Variants in UBE2J1 observed in about 807,000 individuals in gnomAD.
UBE2J1 encodes the protein ubiquitin-conjugating enzyme E2 J1.
Under a neutral mutation model 42.1 loss-of-function variants are expected in UBE2J1, and 17 were observed. The ratio of observed to expected loss-of-function variants is 0.40; its 90% CI spans 0.28 to 0.61. UBE2J1 has a LOEUF of 0.61. Among genes scored for constraint, UBE2J1 ranks in the 20% least tolerant of loss-of-function variants. The pLI is 0.38. For synonymous variants in UBE2J1, 127 were observed against 137.2 expected, an observed-to-expected ratio of 0.93 and a Z score of 0.52; for missense variants, 291 against 389.4, an observed-to-expected ratio of 0.75 and a Z score of 2.13.
In UBE2J1 at chr6:89,333,123, A is replaced by G. The variant is rs752291099; in HGVS notation, c.641T>C (p.Ile214Thr). 5 of 1,613,002 alleles carry G rather than the reference A, an allele frequency of 3.1e-6. No individual in the cohort carries two copies. The highest frequency in any genetic ancestry group is 2.2e-5 in the East Asian group (1 of 44,856). Residue 214 changes from isoleucine to threonine, a missense_variant, in exon 7 of 8, where the codon ATA becomes ACA. Physicochemically the swap from Ile to Thr is moderately conservative, Grantham distance 89. Around this residue, in one of 2 missense-constraint regions of UBE2J1, gnomAD observed 176 missense variants for 196.3 expected, o/e 0.90. Transcript: ENST00000435041. Reference protein sequence around the residue: ...SFSLTDLQDDIPTTFQGATAS... With the variant: ...SFSLTDLQDDTPTTFQGATAS... ...CGTAGCACCCTGGAATGTTGTAGGT[A>G]TATCATCTTGTAAATCAGTTAGTGA...
chr6:89,350,284 TAA>T (rs1768446895), intron 1 of UBE2J1, among the ~76,000 whole-genome samples: 1 of 152,222 alleles, frequency 6.6e-6, no homozygotes, highest in African/African-American at 2.4e-5. Flanking sequence ...CCACATCAGA[TAA>T]AGAGTAAAAG....
At chr6:89,337,154 T>A (rs1768122861) in intron 5 of UBE2J1, among the ~76,000 whole-genome samples, 1 of 151,890 alleles carries the variant, frequency 6.6e-6, no homozygotes, top group Admixed American at 6.6e-5. Context: ...AATCATTTTT[T>A]AAAAGGTTTC....
intron 1 of UBE2J1, among the ~76,000 whole-genome samples, chr6:89,348,394 G>T (rs534191487): frequency 2.6e-5 from 4 of 152,222 alleles, no homozygotes; most frequent in African/African-American, 4.8e-5. Flanking sequence ...AAAATAAAGG[G>T]ATCTTCTACA....
At chr6:89,350,558 C>A (rs563265588) in intron 1 of UBE2J1, among the ~76,000 whole-genome samples, 2 of 151,894 alleles carry the variant, frequency 1.3e-5, no homozygotes, top group East Asian at 3.9e-4. Context: ...AATTCACACA[C>A]TAACAAAAAT....
intron 1 of UBE2J1, among the ~76,000 whole-genome samples, chr6:89,348,770 A>C (rs1768410094): frequency 2.0e-5 from 3 of 152,368 alleles, no homozygotes; most frequent in African/African-American, 7.2e-5. Flanking sequence ...TATAGGAACT[A>C]CTTTAGTCTG....
At chr6:89,346,176 CAAAAA>C (rs200384873) in intron 1 of UBE2J1, among the ~76,000 whole-genome samples, 1 of 151,364 alleles carries the variant, frequency 6.6e-6, no homozygotes, top group Non-Finnish European at 1.5e-5. Context: ...CATGCCTGGC[CAAAAA>C]AAAGTTGTTA....
At chr6:89,335,118 T>C (rs1470379925) in intron 6 of UBE2J1, among the ~76,000 whole-genome samples, 184 bp downstream of exon 6, 1 of 152,198 alleles carries the variant, frequency 6.6e-6, no homozygotes, top group African/African-American at 2.4e-5. Context: ...AAACATTTCA[T>C]GTACCCTATA....
chr6:89,344,932 C>T (rs1039682322), intron 1 of UBE2J1, among the ~76,000 whole-genome samples: 1 of 152,198 alleles, frequency 6.6e-6, no homozygotes, highest in African/African-American at 2.4e-5. Flanking sequence ...TGGATCCCAA[C>T]CCCTCTCATT....
At chr6:89,351,283 T>A (rs1768474827) in intron 1 of UBE2J1, among the ~76,000 whole-genome samples, 2 of 151,898 alleles carry the variant, frequency 1.3e-5, no homozygotes, top group South Asian at 4.2e-4. Context: ...GGTTTCACCA[T>A]GTTGGCCAGG....
intron 1 of UBE2J1, among the ~76,000 whole-genome samples, chr6:89,350,241 C>T (rs1582490992): frequency 6.6e-6 from 1 of 152,252 alleles, no homozygotes. Context: ...ATTGTCTTCA[C>T]TTAATCTTTC....
chr6:89,351,069 CTTTTTTTTTTTT>C (rs1193022037), intron 1 of UBE2J1, among the ~76,000 whole-genome samples: 23 of 60,462 alleles, frequency 3.8e-4, no homozygotes, highest in East Asian at 1.7e-3. Context: ...CCGGGATTCT[CTTTTTTTTTTTT>C]TTTTTTTTTT....
intron 2 of UBE2J1, 133 bp from the exon 3 acceptor site, chr6:89,342,588 T>A: frequency 5.1e-6 from 4 of 779,652 alleles, no homozygotes; most frequent in Non-Finnish European, 7.7e-6. Context: ...TTCTAATGCA[T>A]GAGATGTCTC....
At position 89,335,418 on chromosome 6, in the gene UBE2J1, A is replaced by C. The variant is rs1554200775; in HGVS notation, c.442T>G (p.Cys148Gly). 6.4e-7 allele frequency: 1 copy of C among 1,573,880 alleles called. No homozygotes were observed. Among genetic ancestry groups the C allele is most frequent in the Non-Finnish European group, 8.6e-7 (1 of 1,158,774 alleles). Residue 148 changes from cysteine to glycine, a missense_variant, in exon 6 of 8, where the codon TGT becomes GGT. Around this residue, in one of 2 missense-constraint regions of UBE2J1, gnomAD observed 115 missense variants for 193.1 expected, o/e 0.60. Transcript: ENST00000435041. Reference sequence around the variant, plus strand: ...ATGGCAGAGCCACATCCTTCACAACAGAAATCTTGTGATCTAGTAGAAAAA... The same window carrying C: ...ATGGCAGAGCCACATCCTTCACAACCGAAATCTTGTGATCTAGTAGAAAAA... Reference protein sequence around the residue: ...RALAKKSQDFCCEGCGSAMKD... With the variant: ...RALAKKSQDFGCEGCGSAMKD...
At chr6:89,352,474 C>T (rs1288056959) in intron 1 of UBE2J1, 65 bp downstream of exon 1, 20 of 1,488,288 alleles carry the variant, frequency 1.3e-5, no homozygotes, top group Non-Finnish European at 1.4e-5. Context: ...GGGACCGAGG[C>T]GGCGACCACC....
Position 89,342,221 on chromosome 6 carries a change from T to C in UBE2J1, c.237+103A>G, listed in dbSNP as rs1768258039. The C allele has an allele frequency of 5.1e-6, 7 of 1,369,808 alleles. 1 individual carries two copies. In the East Asian group the frequency reaches 1.7e-4, roughly 34 times the overall value. 84.9% of individuals were successfully genotyped at this position (1,369,808 alleles called of 1,614,324 possible). A position where few individuals can be genotyped will look rare whatever the true frequency, so the allele number is the denominator to read the frequency against. ...AGGGCCTGGACCCCAAAAGCAAAAT[T>C]ATACTGTTCTATTATTTCTTAATGA... On this transcript the variant is annotated intron_variant, in intron 3 of 7. Coordinates refer to ENST00000435041, the MANE Select transcript of UBE2J1 (RefSeq NM_016021.3).
In UBE2J1 at chr6:89,332,760, C is replaced by T. The variant is rs149228941; in HGVS notation, c.678+326G>A. Reference sequence around the variant, plus strand: ...TGAACAATCCTGCCAAAAATAGTGTCTATTTAGAAAGTGGCTAACATATGG... The same window carrying T: ...TGAACAATCCTGCCAAAAATAGTGTTTATTTAGAAAGTGGCTAACATATGG... On this transcript the variant is annotated intron_variant, in intron 7 of 7. Coordinates refer to ENST00000435041, the MANE Select transcript of UBE2J1 (RefSeq NM_016021.3). Among the ~76,000 whole-genome samples, 1,019 of 152,274 alleles carry T rather than the reference C, an allele frequency of 6.7e-3. 5 individuals are homozygous for T. Among genetic ancestry groups the T allele is most frequent in the Non-Finnish European group, 9.8e-3 (664 of 68,004 alleles).
intron 2 of UBE2J1, 82 bp downstream of exon 2, chr6:89,343,601 A>T: frequency 1.0e-6 from 1 of 967,850 alleles, no homozygotes; most frequent in East Asian, 2.6e-5. Context: ...ATCTGTAATG[A>T]CTCAAAGCAA....
At chr6:89,340,539 T>C (rs545519950) in intron 3 of UBE2J1, among the ~76,000 whole-genome samples, 5 of 152,312 alleles carry the variant, frequency 3.3e-5, no homozygotes, top group Non-Finnish European at 7.3e-5. Flanking sequence ...ATTAAGCAGC[T>C]TCTATATGTC....
At chr6:89,352,512 T>C in intron 1 of UBE2J1, 27 bp downstream of exon 1, 1 of 1,560,660 alleles carries the variant, frequency 6.4e-7, no homozygotes, top group Non-Finnish European at 8.6e-7. Flanking sequence ...TCCGCCCTCC[T>C]CGCCCAGGGG....
Sources: gnomAD v4.1 joint callset for allele counts (sites outside exome capture counted in the v4.1 genomes callset) on GRCh38, gnomAD v4.1.1 for gene constraint, gnomAD v4.1.1 regional missense constraint, MANE v1.5 for transcripts, NCBI Gene and HGNC (gene_info 2026-07-23, HGNC 2026-07-21) for gene names.